ABCB1: variants seen among roughly 807,000 people sequenced by gnomAD.
ABCB1 encodes ATP binding cassette subfamily B member 1, also known as ATP-dependent translocase ABCB1.
In ABCB1, 69 loss-of-function variants were observed where a neutral mutation model predicts 142.0. The ratio of observed to expected loss-of-function variants is 0.49; its 90% CI spans 0.40 to 0.59. The LOEUF is 0.59. Ranked by LOEUF, ABCB1 falls within the 20% of genes least tolerant of loss-of-function variation. The pLI, the probability that ABCB1 is intolerant of heterozygous loss-of-function variation, is 0.00. For missense variants in ABCB1, 1,326 were observed against 1,554.7 expected, an observed-to-expected ratio of 0.85 and a Z score of 2.47; for synonymous variants, 532 against 539.2, an observed-to-expected ratio of 0.99 and a Z score of 0.18.
At chr7:87,558,655 A>G (rs909249743) in intron 8 of ABCB1, among the ~76,000 whole-genome samples, 1 of 152,050 alleles carries the variant, frequency 6.6e-6, no homozygotes, top group African/African-American at 2.4e-5. Flanking sequence ...TGACAGACAA[A>G]ATAGTATGTA....
At chr7:87,641,417 A>AG (rs1393439918) in intron 1 of ABCB1, among the ~76,000 whole-genome samples, 2 of 152,186 alleles carry the variant, frequency 1.3e-5, no homozygotes, top group Non-Finnish European at 2.9e-5. Context: ...AATCCAGACT[A>AG]GGTTTTAACC....
chr7:87,560,769 A>C (rs1390599133), intron 8 of ABCB1, among the ~76,000 whole-genome samples: 1 of 152,184 alleles, frequency 6.6e-6, no homozygotes, highest in Admixed American at 6.5e-5. Flanking sequence ...AATAAAAGGG[A>C]ACAGTTGTAA....
In ABCB1 at chr7:87,531,276, A is replaced by G. The variant is rs1816044708; in HGVS notation, c.2685+18T>C. On this transcript the variant is annotated intron_variant, in intron 21 of 27. Coordinates refer to ENST00000622132, the MANE Select transcript of ABCB1 (RefSeq NM_001348946.2). ...CTTTACTCTACTTAATTAATCAATC[A>G]TATTTAGTTTGACTCACCTTCCCAG... 10 of 1,588,734 alleles carry G rather than the reference A, an allele frequency of 6.3e-6. No homozygotes were observed. Among genetic ancestry groups the G allele is most frequent in the Non-Finnish European group, 8.6e-6 (10 of 1,157,728 alleles).
At chr7:87,601,409 G>T (rs572905567), upstream of ABCB1, among the ~76,000 whole-genome samples, 50 of 152,322 alleles carry the variant, frequency 3.3e-4, no homozygotes, top group Non-Finnish European at 5.7e-4. Context: ...GAAAAAGGAA[G>T]TTTTAAAAAA....
chr7:87,534,917 TAAAAAAAAA>T (rs139364527), intron 20 of ABCB1, among the ~76,000 whole-genome samples: 4 of 91,810 alleles, frequency 4.4e-5, no homozygotes, highest in African/African-American at 1.4e-4. Context: ...CCTGTCTCTT[TAAAAAAAAA>T]AAAAAAAAAA....
At position 87,521,417 on chromosome 7, in the gene ABCB1, G is replaced by A. The variant is rs187763758; in HGVS notation, c.2686-541C>T. 5.1e-5 allele frequency: 33 copies of A among 652,676 alleles called. No individual in the cohort carries two copies. The East Asian group carries it at 6.0e-4, about 12-fold the overall frequency. The allele number at this position is 652,676 out of a possible 1,614,324, so 40.4% of individuals were successfully genotyped here. ...CGCTTACCCCTTTCTGCCCGTGGAC[G>A]CCACCAAGGAAGCATCCTTAAAGTC... On this transcript the variant is annotated intron_variant, in intron 21 of 27. Coordinates refer to ENST00000622132, the MANE Select transcript of ABCB1 (RefSeq NM_001348946.2).
At chr7:87,668,032 T>C (rs1585047416) in intron 1 of ABCB1, among the ~76,000 whole-genome samples, 2 of 150,746 alleles carry the variant, frequency 1.3e-5, no homozygotes, top group East Asian at 3.9e-4. Flanking sequence ...CTCTTCCTCA[T>C]TTTTTTGGAA....
intron 21 of ABCB1, among the ~76,000 whole-genome samples, chr7:87,529,602 C>A (rs1815941979): frequency 1.3e-5 from 2 of 152,330 alleles, no homozygotes; most frequent in Non-Finnish European, 1.5e-5. Flanking sequence ...AAGGTGCTAA[C>A]CTGTGGTTTG....
At chr7:87,642,127 TATAGTTA>T (rs1822521413) in intron 1 of ABCB1, among the ~76,000 whole-genome samples, 1 of 151,896 alleles carries the variant, frequency 6.6e-6, no homozygotes, top group Non-Finnish European at 1.5e-5. Context: ...AGATTTATTT[TATAGTTA>T]AGGCTAACAT....
Position 87,702,540 on chromosome 7 carries a change from G to A in ABCB1, c.-331+10621C>T, listed in dbSNP as rs146703753. 9.2e-5 allele frequency among the ~76,000 whole-genome samples: 14 copies of A among 151,996 alleles called. No individual in the cohort carries two copies. In the East Asian group the frequency reaches 1.9e-3, roughly 21 times the overall value. ...AGCAGTCTTTCTGCTGCAGCCTCCC[G>A]AAGTGCTGGATTACAGGCGTTGAGT... On this transcript the variant is annotated intron_variant, in intron 1 of 28. Transcript: ENST00000265724.
intron 1 of ABCB1, chr7:87,628,867 G>A: frequency 7.8e-7 from 1 of 1,282,286 alleles, no homozygotes; most frequent in South Asian, 3.7e-5. Flanking sequence ...ATCCGCGGCG[G>A]TGGCGGCGGA....
At chr7:87,594,884 C>T (rs1051051475) in intron 3 of ABCB1, among the ~76,000 whole-genome samples, 5 of 152,078 alleles carry the variant, frequency 3.3e-5, no homozygotes, top group Admixed American at 1.3e-4. Context: ...ACTCCCTTAC[C>T]TTAAAAAAAT....
chr7:87,556,629 A>T (rs979190868), intron 8 of ABCB1, among the ~76,000 whole-genome samples: 6 of 152,192 alleles, frequency 3.9e-5, no homozygotes, highest in African/African-American at 1.4e-4. Context: ...TCTGCTCCAG[A>T]TCAGGGAGAT....
intron 1 of ABCB1, chr7:87,710,452 C>T (rs1829975607): frequency 1.4e-5 from 9 of 623,666 alleles, no homozygotes; most frequent in East Asian, 3.0e-5. Flanking sequence ...TTTTCTTAGT[C>T]GTTATCAAAT....
Position 87,685,178 on chromosome 7 carries a change from A to G in ABCB1, c.-331+27983T>C, listed in dbSNP as rs1585097212. On this transcript the variant is annotated intron_variant, in intron 1 of 28. Transcript: ENST00000265724. Reference sequence around the variant, plus strand: ...CATAGACCAGGAAAAAATATTTGCAAATCACATGTTTGACAAAGGGATTGT... The same window carrying G: ...CATAGACCAGGAAAAAATATTTGCAGATCACATGTTTGACAAAGGGATTGT... Among the ~76,000 whole-genome samples the G allele has an allele frequency of 2.6e-5, 4 of 152,330 alleles. No homozygotes were observed. The South Asian group carries it at 8.3e-4, about 32-fold the overall frequency.
At chr7:87,669,101 A>C (rs1217504355) in intron 1 of ABCB1, among the ~76,000 whole-genome samples, 3 of 151,738 alleles carry the variant, frequency 2.0e-5, no homozygotes, top group South Asian at 4.1e-4. Context: ...TATTTTTTCC[A>C]TGGGAGTTTG....
chr7:87,693,825 T>C, intron 1 of ABCB1: 1 of 1,292,956 alleles, frequency 7.7e-7, no homozygotes, highest in South Asian at 1.3e-5. Context: ...CCATCTTAGT[T>C]GGGCTATTCA....
At chr7:87,710,585 A>C (rs762822190) in intron 1 of ABCB1, 1 of 1,583,402 alleles carries the variant, frequency 6.3e-7, no homozygotes, top group East Asian at 2.3e-5. Context: ...AGCCTGGATC[A>C]GAGTAGCACT....
intron 1 of ABCB1, among the ~76,000 whole-genome samples, chr7:87,614,721 G>C (rs1309414010): frequency 6.6e-6 from 1 of 152,048 alleles, no homozygotes; most frequent in Admixed American, 6.5e-5. Context: ...TTGTTACATT[G>C]TTTCCTGTCT....
Sources: gnomAD v4.1 joint callset for allele counts (sites outside exome capture counted in the v4.1 genomes callset) on GRCh38, gnomAD v4.1.1 for gene constraint, MANE v1.5 for transcripts, NCBI Gene and HGNC (gene_info 2026-07-23, HGNC 2026-07-21) for gene names.